Variants in OTUB2 observed in about 807,000 individuals in gnomAD.
The protein encoded by OTUB2 is OTU deubiquitinase, ubiquitin aldehyde binding 2.
A neutral mutation model predicts 25.1 loss-of-function variants in OTUB2; 21 were observed. The ratio of observed to expected loss-of-function variants is 0.84; its 90% confidence interval spans 0.59 to 1.21. The LOEUF (loss-of-function observed/expected upper bound fraction) is 1.21. Among genes scored for constraint, OTUB2 ranks in the 50% most tolerant of loss-of-function variants. OTUB2 has a pLI of 0.00. For missense variants in OTUB2, 283 were observed against 298.0 expected (o/e 0.95, Z 0.37); for synonymous variants, 122 against 122.8 (o/e 0.99, Z 0.04).
intron 4 of OTUB2, among the ~76,000 whole-genome samples, chr14:94,044,285 ACT>A (rs1201542856): frequency 2.0e-5 from 3 of 151,970 alleles, no homozygotes; most frequent in African/African-American, 7.3e-5. Context: ...GGGATCGAGG[ACT>A]CTCAGACGCT....
rs1316575960 is a variant in OTUB2 at position 94,043,990 on chromosome 14, C to CA, written c.239dup (p.Thr81AspfsTer4). Reference sequence around the variant, plus strand: ...CTGTAGGTTCAAAGAACGCGTACTGCAGACCCCAAATGACCTTCTGGCTGC... The same window carrying CA: ...CTGTAGGTTCAAAGAACGCGTACTGCAAGACCCCAAATGACCTTCTGGCTGC... On this transcript the variant is annotated frameshift_variant, in exon 4 of 6. Coordinates refer to ENST00000203664, the MANE Select transcript of OTUB2 (RefSeq NM_023112.4). LOFTEE classifies it high-confidence loss of function. The CA allele has an allele frequency of 6.2e-7, 1 of 1,614,210 alleles. No individual in the cohort carries two copies. The highest frequency in any genetic ancestry group is 1.1e-5 in the South Asian group (1 of 91,088).
chr14:94,040,970 C>T lies in OTUB2; in HGVS notation c.218+1889C>T, dbSNP rs566875662. ...TCAGCCTGAAGGACACGGGAGCCAC[C>T]GAGGGATTGCGCAGCACGGGGGACC... On this transcript the variant is annotated intron_variant, in intron 3 of 5. Coordinates refer to ENST00000203664, the MANE Select transcript of OTUB2 (RefSeq NM_023112.4). 3.6e-4 allele frequency among the ~76,000 whole-genome samples: 55 copies of T among 152,258 alleles called. No individual in the cohort carries two copies. The South Asian group carries it at 0.011, about 30-fold the overall frequency.
At position 94,040,033 on chromosome 14, in the gene OTUB2, C is replaced by T. The variant is rs116245069; in HGVS notation, c.218+952C>T. The stretch of plus-strand genomic sequence containing the variant: ...TTAACAGCATCCCTGGCCCCCTACC[C>T]GTGACATAGTAGTAGTAACCCCCTC... On this transcript the variant is annotated intron_variant, in intron 3 of 5. Coordinates refer to ENST00000203664, the MANE Select transcript of OTUB2 (RefSeq NM_023112.4). Among the ~76,000 whole-genome samples, 904 of 152,206 alleles carry T rather than the reference C, an allele frequency of 5.9e-3. 4 individuals are homozygous for T. The highest frequency in any genetic ancestry group is 0.021 in the African/African-American group (863 of 41,540).
intron 3 of OTUB2, chr14:94,039,408 A>G: frequency 3.1e-6 from 1 of 320,476 alleles, no homozygotes; most frequent in Non-Finnish European, 5.8e-6. Flanking sequence ...ACAAACAAAA[A>G]GAAGCTTTGC....
intron 3 of OTUB2, 101 bp from the exon 4 acceptor site, chr14:94,043,869 TG>T: frequency 9.8e-7 from 1 of 1,022,504 alleles, no homozygotes. Flanking sequence ...GGACTAGAGA[TG>T]AGGTTGGTGG....
rs1442167275 is a variant in OTUB2, at chr14:94,048,279, T to C, written c.*2357T>C. On this transcript the variant is annotated 3_prime_UTR_variant, in exon 6 of 6. Transcript: ENST00000203664. ...ACCAAAAGCTGGAAGGAGAGTTGCT[T>C]TGAGAGCTTGTTTTTACAACTGCAT... 2 of 152,184 alleles carry C rather than the reference T, an allele frequency of 1.3e-5. No homozygotes were observed. Among genetic ancestry groups the C allele is most frequent in the African/African-American group, 2.4e-5 (1 of 41,438 alleles). The allele number at this position is 152,184 out of a possible 1,614,324, so 9.4% of individuals were successfully genotyped here. A position where few individuals can be genotyped will look rare whatever the true frequency, so the allele number is the denominator to read the frequency against.
At position 94,044,619 on chromosome 14, in the gene OTUB2, G is replaced by A. The variant is rs1255915079; in HGVS notation, c.337G>A (p.Gly113Ser). ...TGTGGTGGAACTGGTAGAGAAGGAT[G>A]GCTCAGTGTCCAGCCTGCTGAAGGT... ...YSVVELVEKD[G>S]SVSSLLKVFN... Residue 113 changes from glycine to serine, a missense_variant, in exon 5 of 6, where the codon GGC becomes AGC. Gly to Ser is a moderately conservative substitution (Grantham distance 56, BLOSUM62 0). Transcript: ENST00000203664. 1.2e-6 allele frequency: 2 copies of A among 1,613,806 alleles called. No individual in the cohort carries two copies. The highest frequency in any genetic ancestry group is 2.2e-5 in the East Asian group (1 of 44,904).
intron 2 of OTUB2, among the ~76,000 whole-genome samples, chr14:94,037,717 A>G (rs535033932): frequency 6.6e-6 from 1 of 152,150 alleles, no homozygotes; most frequent in Non-Finnish European, 1.5e-5. Context: ...TTTACTCACC[A>G]ATACTTCATT....
In OTUB2 at chr14:94,046,720, C is replaced by T. The variant is rs3748331; in HGVS notation, c.*798C>T. 74,906 of 152,534 alleles carry T rather than the reference C, an allele frequency of 0.49. 19,254 individuals carry two copies. Among genetic ancestry groups the T allele is most frequent in the African/African-American group, 0.65 (26,912 of 41,462 alleles). 9.4% of individuals were successfully genotyped at this position (152,534 alleles called of 1,614,324 possible). A position where few individuals can be genotyped will look rare whatever the true frequency, so the allele number is the denominator to read the frequency against. ...GTATTTCTGTCTGGGACCAGGAAGCCGCAGCTGTCCCATCATCCCCAGCAA... is the reference window on the plus strand; with the variant it reads ...GTATTTCTGTCTGGGACCAGGAAGCTGCAGCTGTCCCATCATCCCCAGCAA... On this transcript the variant is annotated 3_prime_UTR_variant, in exon 6 of 6. Coordinates refer to ENST00000203664, the MANE Select transcript of OTUB2 (RefSeq NM_023112.4).
At chr14:94,030,701 T>C (rs2141407104) in intron 1 of OTUB2, among the ~76,000 whole-genome samples, 1 of 152,180 alleles carries the variant, frequency 6.6e-6, no homozygotes, top group Admixed American at 6.5e-5. Flanking sequence ...CCTGTGACTA[T>C]GTTACCGTGG....
chr14:94,036,499 C>G (rs1404638380), intron 1 of OTUB2, among the ~76,000 whole-genome samples: 1 of 152,058 alleles, frequency 6.6e-6, no homozygotes, highest in Non-Finnish European at 1.5e-5. Flanking sequence ...AGAGTTGCAT[C>G]TCCTGCTTGT....
intron 5 of OTUB2, among the ~76,000 whole-genome samples, 182 bp from the exon 6 acceptor site, chr14:94,045,534 C>A (rs1595369433): frequency 6.7e-6 from 1 of 150,160 alleles, no homozygotes; most frequent in African/African-American, 2.5e-5. Flanking sequence ...AGCTATGCTG[C>A]CTCTCAATGA....
At chr14:94,041,277 CAGG>C (rs1270449123) in intron 3 of OTUB2, among the ~76,000 whole-genome samples, 1 of 152,044 alleles carries the variant, frequency 6.6e-6, no homozygotes. Flanking sequence ...TGAGGAATAT[CAGG>C]AGCTGTGTTT....
rs77559926 is a variant in OTUB2, at chr14:94,027,769, C to T, written c.3+1229C>T. Reference sequence around the variant, plus strand: ...GTGTGGCATAGGCAGCCAGGGCACTCGAGCTGGGACTGTCCTTGCCAAGCC... The same window carrying T: ...GTGTGGCATAGGCAGCCAGGGCACTTGAGCTGGGACTGTCCTTGCCAAGCC... On this transcript the variant is annotated intron_variant, in intron 1 of 5. Coordinates refer to ENST00000203664, the MANE Select transcript of OTUB2 (RefSeq NM_023112.4). Among the ~76,000 whole-genome samples the T allele has an allele frequency of 4.4e-3, 672 of 152,310 alleles. 7 individuals are homozygous for T. The highest frequency in any genetic ancestry group is 0.015 in the African/African-American group (620 of 41,566).
intron 1 of OTUB2, among the ~76,000 whole-genome samples, chr14:94,034,403 G>A (rs1039820191): frequency 9.9e-5 from 15 of 152,196 alleles, no homozygotes; most frequent in Admixed American, 2.0e-4. Flanking sequence ...ATGTTCCTTT[G>A]TGTTTAGCAG....
At position 94,047,148 on chromosome 14, in the gene OTUB2, G is replaced by A. The variant is rs1215624116; in HGVS notation, c.*1226G>A. 1 of 152,186 alleles carries A rather than the reference G, an allele frequency of 6.6e-6. No individual in the cohort carries two copies. Among genetic ancestry groups the A allele is most frequent in the African/African-American group, 2.4e-5 (1 of 41,452 alleles). 9.4% of individuals were successfully genotyped at this position (152,186 alleles called of 1,614,324 possible). A position where few individuals can be genotyped will look rare whatever the true frequency, so the allele number is the denominator to read the frequency against. The stretch of plus-strand genomic sequence containing the variant: ...TAGCAACCTCTCTTCCTCTATAAGA[G>A]GAAATGGAAAATGCAGGGTGTGGAA... On this transcript the variant is annotated 3_prime_UTR_variant, in exon 6 of 6. Coordinates refer to ENST00000203664, the MANE Select transcript of OTUB2 (RefSeq NM_023112.4).
chr14:94,037,856 C>G (rs1451757689), intron 2 of OTUB2, among the ~76,000 whole-genome samples: 5 of 152,210 alleles, frequency 3.3e-5, no homozygotes. Context: ...GCAGCTGAGT[C>G]TCAAGCCACA....
At chr14:94,032,453 G>A (rs979211230) in intron 1 of OTUB2, among the ~76,000 whole-genome samples, 3 of 152,150 alleles carry the variant, frequency 2.0e-5, no homozygotes, top group Non-Finnish European at 2.9e-5. Context: ...AAATTCATTA[G>A]AGACAGAAAA....
Position 94,026,464 on chromosome 14 carries a change from C to G in OTUB2, c.-74C>G. 3 of 1,322,688 alleles carry G rather than the reference C, an allele frequency of 2.3e-6. No homozygotes were observed. Among genetic ancestry groups the G allele is most frequent in the Non-Finnish European group, 2.9e-6 (3 of 1,032,766 alleles). 81.9% of individuals were successfully genotyped at this position (1,322,688 alleles called of 1,614,324 possible). On this transcript the variant is annotated 5_prime_UTR_variant, in exon 1 of 6. Transcript: ENST00000203664. Reference sequence around the variant, plus strand: ...CACCGAACCAGCGGCGGAGCCCGCCCGCGCCTCCCGCGGCATTCCCGCACC... The same window carrying G: ...CACCGAACCAGCGGCGGAGCCCGCCGGCGCCTCCCGCGGCATTCCCGCACC...
Sources: gnomAD v4.1 joint callset for allele counts (sites outside exome capture counted in the v4.1 genomes callset) on GRCh38, gnomAD v4.1.1 for gene constraint, MANE v1.5 for transcripts, NCBI Gene and HGNC (gene_info 2026-07-23, HGNC 2026-07-21) for gene names.